ADD2: variants seen among roughly 807,000 people sequenced by gnomAD.
The protein encoded by ADD2 is beta-adducin.
In ADD2, 23 loss-of-function variants were observed where a neutral mutation model predicts 83.0. The observed-to-expected ratio is 0.28, with a 90% CI of 0.20 to 0.39. The LOEUF (loss-of-function observed/expected upper bound fraction) is 0.39, where lower values mean the gene tolerates loss of function less well. Ranked by LOEUF, ADD2 falls within the 10% of genes least tolerant of loss-of-function variation. ADD2 has a pLI of 1.00. For missense variants in ADD2, 758 were observed against 944.9 expected (o/e 0.80, Z 2.59); for synonymous variants, 375 against 375.4 (o/e 1.00, Z 0.01).
At chr2:70,695,906 C>T in intron 5 of ADD2, 105 bp from the exon 6 acceptor site, 2 of 957,568 alleles carry the variant, frequency 2.1e-6, no homozygotes, top group Non-Finnish European at 3.2e-6. Context: ...CACCCAAGTC[C>T]ATCTCTAATG....
chr2:70,735,033 G>GA (rs1201610688), intron 1 of ADD2, among the ~76,000 whole-genome samples: 2 of 151,964 alleles, frequency 1.3e-5, no homozygotes, highest in Admixed American at 1.3e-4. Context: ...TAATTATGAG[G>GA]AAAAAAAATG....
At chr2:70,766,092 TATC>T (rs1433138027) in intron 1 of ADD2, among the ~76,000 whole-genome samples, 1 of 152,104 alleles carries the variant, frequency 6.6e-6, no homozygotes, top group East Asian at 1.9e-4. Context: ...AACCACAGCA[TATC>T]ATGTCAGGCA....
chr2:70,690,676 TTTTC>T, intron 8 of ADD2, 106 bp downstream of exon 8: 1 of 1,295,110 alleles, frequency 7.7e-7, no homozygotes, highest in Non-Finnish European at 1.0e-6. Flanking sequence ...TCTTTCTTTT[TTTTC>T]CCCCCTCTCT....
intron 10 of ADD2, among the ~76,000 whole-genome samples, chr2:70,682,262 C>G (rs1015513741): frequency 2.0e-5 from 3 of 152,058 alleles, no homozygotes; most frequent in Non-Finnish European, 4.4e-5. Flanking sequence ...TTTTTCACTC[C>G]TCTCAGAAAG....
chr2:70,699,309 C>A (rs530596385), intron 4 of ADD2, among the ~76,000 whole-genome samples: 6 of 152,086 alleles, frequency 3.9e-5, no homozygotes, highest in African/African-American at 1.4e-4. Context: ...AAGAAAAAAA[C>A]CTACAATTAT....
intron 15 of ADD2, among the ~76,000 whole-genome samples, chr2:70,664,622 TGGTGGGCAGACCTCGGCTTACCAACTTCC>T (rs1675682908): frequency 6.6e-6 from 1 of 152,178 alleles, no homozygotes. Context: ...CACAGTACCA[TGGTGGGCAGACCTCGGCTTACCAACTTCC>T]GGTTCAGCTT....
chr2:70,702,580 A>C (rs975743662), intron 4 of ADD2, among the ~76,000 whole-genome samples: 1 of 152,194 alleles, frequency 6.6e-6, no homozygotes, highest in Non-Finnish European at 1.5e-5. Context: ...ATTTCTAAGC[A>C]TGCAATCAAA....
intron 1 of ADD2, among the ~76,000 whole-genome samples, chr2:70,752,401 C>T (rs1247359017): frequency 6.6e-6 from 1 of 152,128 alleles, no homozygotes; most frequent in African/African-American, 2.4e-5. Context: ...ACCTACCTCA[C>T]AGGGTTATTG....
chr2:70,674,893 CT>C, intron 13 of ADD2, 68 bp from the exon 14 acceptor site: 1 of 1,551,606 alleles, frequency 6.4e-7, no homozygotes, highest in Admixed American at 2.0e-5. Flanking sequence ...CCCCAGCTTC[CT>C]TTTAGATTCA....
chr2:70,672,668 T>C (rs1442387742), intron 15 of ADD2, among the ~76,000 whole-genome samples: 1 of 152,254 alleles, frequency 6.6e-6, no homozygotes, highest in Non-Finnish European at 1.5e-5. Flanking sequence ...TTATTCTTCA[T>C]TGCTTATACT....
intron 1 of ADD2, among the ~76,000 whole-genome samples, chr2:70,713,791 T>C (rs1672325186): frequency 6.6e-6 from 1 of 152,042 alleles, no homozygotes; most frequent in Non-Finnish European, 1.5e-5. Flanking sequence ...CCAGACGTGG[T>C]GGCGAGTTGC....
At chr2:70,757,766 TA>T (rs1674873537) in intron 1 of ADD2, among the ~76,000 whole-genome samples, 1 of 152,068 alleles carries the variant, frequency 6.6e-6, no homozygotes, top group African/African-American at 2.4e-5. Flanking sequence ...CCATGCCGAG[TA>T]AAGAAAGCAA....
Position 70,658,861 on chromosome 2 carries a change from G to C in ADD2, c.*4564C>G, listed in dbSNP as rs1199433725. ...AAAATTCACACAAAAGAAAAAACGT[G>C]TCAGCTGGCACAGTGGCTCATTCCT... On this transcript the variant is annotated 3_prime_UTR_variant, in exon 16 of 16. Transcript: ENST00000264436. The C allele has an allele frequency of 6.6e-6, 1 of 152,118 alleles. No homozygotes were observed. The highest frequency in any genetic ancestry group is 2.4e-5 in the African/African-American group (1 of 41,406). 9.4% of individuals were successfully genotyped at this position (152,118 alleles called of 1,614,324 possible).
At chr2:70,755,005 CACT>C (rs1553383581) in intron 1 of ADD2, among the ~76,000 whole-genome samples, 1 of 152,174 alleles carries the variant, frequency 6.6e-6, no homozygotes, top group Non-Finnish European at 1.5e-5. Flanking sequence ...TCTCACCCAC[CACT>C]GTTTCTACCT....
chr2:70,684,943 T>C (rs1670641317), intron 9 of ADD2, among the ~76,000 whole-genome samples: 1 of 152,200 alleles, frequency 6.6e-6, no homozygotes. Flanking sequence ...ATTCTGTGCT[T>C]ATCTAATGGT....
intron 1 of ADD2, among the ~76,000 whole-genome samples, chr2:70,732,706 G>A (rs560999393): frequency 3.9e-5 from 6 of 152,248 alleles, no homozygotes; most frequent in South Asian, 2.1e-4. Context: ...TAAAGAACTC[G>A]GCCAGCTAAA....
At position 70,658,642 on chromosome 2, in the gene ADD2, T is replaced by TA. The variant is rs1675437487; in HGVS notation, c.*4782dup. 6.6e-6 allele frequency: 1 copy of TA among 152,154 alleles called. No homozygotes were observed. Among genetic ancestry groups the TA allele is most frequent in the Non-Finnish European group, 1.5e-5 (1 of 68,008 alleles). The allele number at this position is 152,154 out of a possible 1,614,324, so 9.4% of individuals were successfully genotyped here. A position where few individuals can be genotyped will look rare whatever the true frequency, so the allele number is the denominator to read the frequency against. On this transcript the variant is annotated 3_prime_UTR_variant, in exon 16 of 16. Transcript: ENST00000264436. ...TCAGACTCTTTGAGTGCTAAGGTCTTAGAGTTCAACTGAGCTCCAGTGATG... is the reference window on the plus strand; with the variant it reads ...TCAGACTCTTTGAGTGCTAAGGTCTTAAGAGTTCAACTGAGCTCCAGTGATG...
chr2:70,690,092 G>GA (rs1218234929), intron 8 of ADD2, among the ~76,000 whole-genome samples: 20 of 141,004 alleles, frequency 1.4e-4, no homozygotes, highest in Non-Finnish European at 2.4e-4. Context: ...AACTCAGGAA[G>GA]AAAAAAAAAA....
At chr2:70,727,465 T>C (rs2104456248) in intron 1 of ADD2, among the ~76,000 whole-genome samples, 1 of 152,306 alleles carries the variant, frequency 6.6e-6, no homozygotes, top group South Asian at 2.1e-4. Flanking sequence ...TTTCCTGCTA[T>C]ACTCATCTCT....
Sources: gnomAD v4.1 joint callset for allele counts (sites outside exome capture counted in the v4.1 genomes callset) on GRCh38, gnomAD v4.1.1 for gene constraint, MANE v1.5 for transcripts, NCBI Gene and HGNC (gene_info 2026-07-23, HGNC 2026-07-21) for gene names.